The following RIMS2 variants were observed in gnomAD, a reference collection of about 807,000 sequenced individuals.
RIMS2 encodes regulating synaptic membrane exocytosis 2, also known as regulating synaptic membrane exocytosis protein 2.
A neutral mutation model predicts 174.4 loss-of-function variants in RIMS2; 59 were observed. The observed-to-expected ratio is 0.34, with a 90% CI of 0.27 to 0.42. The LOEUF is 0.42. Among genes scored for constraint, RIMS2 ranks in the 10% least tolerant of loss-of-function variants. The pLI, the probability that RIMS2 is intolerant of heterozygous loss-of-function variation, is 1.00. For missense variants in RIMS2, 1,620 were observed against 1,666.3 expected (o/e 0.97, Z 0.48); for synonymous variants, 606 against 572.5 (o/e 1.06, Z -0.84).
chr8:104,113,766 T>C (rs1438622913), intron 19 of RIMS2, among the ~76,000 whole-genome samples: 1 of 151,936 alleles, frequency 6.6e-6, no homozygotes, highest in African/African-American at 2.4e-5. Context: ...AGAGCTTTTA[T>C]GCTCCAGCCC....
rs926712017 is a variant in RIMS2, at chr8:104,002,181, A to T, written c.3045-11261A>T. On this transcript the variant is annotated intron_variant, in intron 17 of 23. Coordinates refer to ENST00000504942, the Ensembl canonical transcript of RIMS2. ...ATGCCCTTGGACTCCATGATTGCACACTTTTTTTTTCTTATTGTTTCATTA... is the reference window on the plus strand; with the variant it reads ...ATGCCCTTGGACTCCATGATTGCACTCTTTTTTTTTCTTATTGTTTCATTA... Among the ~76,000 whole-genome samples the T allele has an allele frequency of 3.3e-5, 5 of 151,810 alleles. No individual in the cohort carries two copies. In the East Asian group the frequency reaches 9.6e-4, roughly 29 times the overall value.
rs138613464 is a variant in RIMS2, at chr8:103,806,684, A to T, written c.698+40147A>T. Among the ~76,000 whole-genome samples, 975 of 152,098 alleles carry T rather than the reference A, an allele frequency of 6.4e-3. 11 individuals carry two copies. Among genetic ancestry groups the T allele is most frequent in the Non-Finnish European group, 8.4e-3 (570 of 67,950 alleles). On this transcript the variant is annotated intron_variant, in intron 3 of 23. Transcript: ENST00000504942. ...TGTAGAGGACAAGATTAATGCACCG[A>T]GAAGCTAGGAGATTATTGAAGTCAT... is the stretch of plus-strand genomic sequence containing the variant.
intron 1 of RIMS2, among the ~76,000 whole-genome samples, chr8:103,615,808 G>A (rs918873180): frequency 5.9e-5 from 9 of 152,012 alleles, no homozygotes; most frequent in African/African-American, 9.7e-5. Context: ...TACACCCTCC[G>A]AAGACTGAGC....
rs74797816 is a variant in RIMS2, at chr8:104,235,242, G to C, written c.3335-9674G>C. Among the ~76,000 whole-genome samples the C allele has an allele frequency of 3.3e-4, 50 of 152,266 alleles. 1 individual carries two copies. The South Asian group carries it at 9.7e-3, about 30-fold the overall frequency. On this transcript the variant is annotated intron_variant, in intron 19 of 23. Coordinates refer to ENST00000504942, the Ensembl canonical transcript of RIMS2. Reference sequence around the variant, plus strand: ...CAAGTCACTGATTATTCTGGAATTAGAAATTTGTGTCCAAAATACTAAGTG... The same window carrying C: ...CAAGTCACTGATTATTCTGGAATTACAAATTTGTGTCCAAAATACTAAGTG...
intron 4 of RIMS2, among the ~76,000 whole-genome samples, chr8:103,886,846 A>G (rs2099205625): frequency 6.6e-6 from 1 of 151,694 alleles, no homozygotes; most frequent in African/African-American, 2.4e-5. Flanking sequence ...CTAATATTCT[A>G]TCATAAGATT....
chr8:104,199,353 C>T lies in RIMS2; in HGVS notation c.3335-45563C>T, dbSNP rs540189170. 5.9e-5 allele frequency among the ~76,000 whole-genome samples: 9 copies of T among 152,280 alleles called. No homozygotes were observed. The South Asian group carries it at 1.2e-3, about 21-fold the overall frequency. ...CTGGGATTACAGGCATGAGCCACCA[C>T]GCCCGGCCTATTTTAACAAGATCTA... is the stretch of plus-strand genomic sequence containing the variant. On this transcript the variant is annotated intron_variant, in intron 19 of 23. Coordinates refer to ENST00000504942, the Ensembl canonical transcript of RIMS2.
At chr8:103,606,442 A>C (rs897110949) in intron 1 of RIMS2, among the ~76,000 whole-genome samples, 1 of 152,038 alleles carries the variant, frequency 6.6e-6, no homozygotes, top group African/African-American at 2.4e-5. Context: ...ATTTTGGAAT[A>C]AGTGTGGTGT....
chr8:103,920,890 T>G (rs901861641), intron 9 of RIMS2: 3 of 332,932 alleles, frequency 9.0e-6, no homozygotes, highest in African/African-American at 2.3e-5. Flanking sequence ...TCCCAGCTAC[T>G]TGGGAGGCTG....
intron 1 of RIMS2, among the ~76,000 whole-genome samples, chr8:103,645,303 A>G (rs973386803): frequency 1.5e-4 from 23 of 151,990 alleles, no homozygotes; most frequent in Admixed American, 1.5e-3. Flanking sequence ...AAGATATTAC[A>G]CTCTGAATTT....
intron 1 of RIMS2, among the ~76,000 whole-genome samples, chr8:103,585,354 C>T (rs1396355615): frequency 6.6e-6 from 1 of 152,136 alleles, no homozygotes; most frequent in South Asian, 2.1e-4. Context: ...ACCAGAAATA[C>T]TGTTTGACCC....
rs183039784 is a variant in RIMS2, at chr8:104,165,819, A to C, written c.3335-79097A>C. Among the ~76,000 whole-genome samples the C allele has an allele frequency of 4.6e-5, 7 of 152,286 alleles. No individual in the cohort carries two copies. The East Asian group carries it at 1.3e-3, about 29-fold the overall frequency. ...CACTTAGATTTTTTAAAAGTATACA[A>C]ATTTCTAAATATCCATTCAATTATG... is the stretch of plus-strand genomic sequence containing the variant. On this transcript the variant is annotated intron_variant, in intron 19 of 23. Transcript: ENST00000504942.
intron 3 of RIMS2, among the ~76,000 whole-genome samples, chr8:103,792,595 G>C (rs991040216): frequency 1.7e-4 from 25 of 144,200 alleles, no homozygotes; most frequent in Admixed American, 2.1e-4. Flanking sequence ...AGGAGGTAGA[G>C]ACACAAAAAA....
intron 3 of RIMS2, among the ~76,000 whole-genome samples, chr8:103,869,240 G>T (rs940692740): frequency 6.6e-5 from 10 of 150,656 alleles, no homozygotes; most frequent in African/African-American, 2.5e-4. Flanking sequence ...CTGTCGCCCA[G>T]GCTGAAGTGC....
intron 1 of RIMS2, among the ~76,000 whole-genome samples, chr8:103,512,688 T>C (rs796530722): frequency 6.6e-6 from 1 of 152,054 alleles, no homozygotes; most frequent in Non-Finnish European, 1.5e-5. Context: ...ACCAGGAGAA[T>C]TTGTTGAAAA....
chr8:104,169,758 G>T (rs905261770), intron 19 of RIMS2, among the ~76,000 whole-genome samples: 1 of 151,976 alleles, frequency 6.6e-6, no homozygotes, highest in Non-Finnish European at 1.5e-5. Context: ...TCCTTGAGGT[G>T]TGACATTAGG....
At chr8:103,619,550 C>G (rs961470246) in intron 1 of RIMS2, among the ~76,000 whole-genome samples, 1 of 151,928 alleles carries the variant, frequency 6.6e-6, no homozygotes, top group Non-Finnish European at 1.5e-5. Flanking sequence ...AGAAAAAAAT[C>G]TTCTGCATTC....
At chr8:103,917,095 A>T (rs1403197127) in intron 8 of RIMS2, among the ~76,000 whole-genome samples, 1 of 152,220 alleles carries the variant, frequency 6.6e-6, no homozygotes, top group African/African-American at 2.4e-5. Context: ...GTTTCCAAAC[A>T]TTAGCAATAA....
chr8:104,213,885 AAAAAAGAAG>A (rs1254075300), intron 19 of RIMS2, among the ~76,000 whole-genome samples: 4 of 140,262 alleles, frequency 2.9e-5, no homozygotes, highest in African/African-American at 1.2e-4. Context: ...CGGAAAAAAA[AAAAAAGAAG>A]AAGAAGAAGA....
chr8:103,666,933 A>G (rs1160243718), intron 1 of RIMS2, among the ~76,000 whole-genome samples: 2 of 152,160 alleles, frequency 1.3e-5, no homozygotes, highest in African/African-American at 4.8e-5. Context: ...TTGTTGTTCC[A>G]GTTGAAGAGA....
Sources: gnomAD v4.1 joint callset for allele counts (sites outside exome capture counted in the v4.1 genomes callset) on GRCh38, gnomAD v4.1.1 for gene constraint, MANE v1.5 for transcripts, NCBI Gene and HGNC (gene_info 2026-07-23, HGNC 2026-07-21) for gene names.